Variants in DYM observed in about 807,000 individuals in gnomAD.
DYM encodes the protein dyggve-Melchior-Clausen syndrome protein.
DYM carries 78 observed loss-of-function variants against 93.1 expected under a neutral mutation model. That is an observed-to-expected ratio of 0.84 (90% CI 0.70 to 1.01). DYM has a LOEUF of 1.01. Ranked by LOEUF, DYM falls within the 50% of genes least tolerant of loss-of-function variation. The pLI is 0.00. For synonymous variants in DYM, 321 were observed against 319.7 expected (o/e 1.00, Z -0.04); for missense variants, 789 against 845.0 (o/e 0.93, Z 0.82).
At chr18:49,047,720 T>G (rs1463473203) in intron 17 of DYM, among the ~76,000 whole-genome samples, 1 of 152,078 alleles carries the variant, frequency 6.6e-6, no homozygotes, top group Non-Finnish European at 1.5e-5. Context: ...CAGCCCGACA[T>G]GGGGTTCTCA....
chr18:49,230,015 G>A (rs994461409), intron 13 of DYM, among the ~76,000 whole-genome samples: 2 of 152,124 alleles, frequency 1.3e-5, no homozygotes, highest in Non-Finnish European at 2.9e-5. Flanking sequence ...ATGACAAAGT[G>A]GCAAAGGAAA....
In DYM at chr18:49,430,151, C is replaced by T. The variant is rs12456754; in HGVS notation, c.140+104G>A. ...TACTGATCTATGTATGACAGATAGA[C>T]TAGATAGATAGACAGAACATTTCTA... is the stretch of plus-strand genomic sequence containing the variant. On this transcript the variant is annotated intron_variant, in intron 2 of 17. Coordinates refer to ENST00000675505, the MANE Select transcript of DYM (RefSeq NM_001353214.3). 101,021 of 1,070,618 alleles carry T rather than the reference C, an allele frequency of 0.094. 6,818 individuals carry two copies. Among genetic ancestry groups the T allele is most frequent in the East Asian group, 0.34 (14,359 of 42,014 alleles). 66.3% of individuals were successfully genotyped at this position (1,070,618 alleles called of 1,614,324 possible).
At chr18:49,320,923 C>T (rs1460576030) in intron 8 of DYM, among the ~76,000 whole-genome samples, 1 of 152,162 alleles carries the variant, frequency 6.6e-6, no homozygotes, top group Non-Finnish European at 1.5e-5. Context: ...TCCTACCATA[C>T]ACAAATTCTG....
chr18:49,453,651 T>A (rs1450538720), intron 1 of DYM, among the ~76,000 whole-genome samples: 1 of 152,238 alleles, frequency 6.6e-6, no homozygotes, highest in African/African-American at 2.4e-5. Flanking sequence ...CAATAGCACC[T>A]TCTAACTGAA....
chr18:49,195,915 TC>T (rs2091395718), intron 14 of DYM, among the ~76,000 whole-genome samples: 1 of 106,990 alleles, frequency 9.3e-6, no homozygotes, highest in Admixed American at 1.1e-4. Flanking sequence ...AATGCTACCA[TC>T]TTTTTTTTTT....
intron 17 of DYM, among the ~76,000 whole-genome samples, chr18:49,069,536 T>C (rs1363025839): frequency 1.3e-5 from 2 of 152,228 alleles, no homozygotes; most frequent in East Asian, 3.8e-4. Flanking sequence ...TCTTATAAGA[T>C]ACTGAAAAGT....
intron 15 of DYM, among the ~76,000 whole-genome samples, chr18:49,146,097 T>A (rs2085104487): frequency 6.6e-6 from 1 of 152,186 alleles, no homozygotes; most frequent in Non-Finnish European, 1.5e-5. Flanking sequence ...TGAAGTAATA[T>A]CCTAAATCCC....
rs187765243 is a variant in DYM, at chr18:49,290,890, C to G, written c.764-4274G>C. Among the ~76,000 whole-genome samples the G allele has an allele frequency of 3.2e-4, 49 of 152,028 alleles. 1 individual carries two copies. In the East Asian group the frequency reaches 9.5e-3, roughly 29 times the overall value. ...CAGAGACGTATTCAAGCATAATAAG[C>G]AATTAAAAATAATAAGGAAGGGAAG... On this transcript the variant is annotated intron_variant, in intron 8 of 17. Transcript: ENST00000675505.
At chr18:49,113,266 T>C (rs1035556631) in intron 16 of DYM, among the ~76,000 whole-genome samples, 1 of 152,208 alleles carries the variant, frequency 6.6e-6, no homozygotes, top group Non-Finnish European at 1.5e-5. Flanking sequence ...ATGGTTATAG[T>C]TCATTGCATC....
At chr18:49,179,991 AT>A (rs2145448236) in intron 14 of DYM, among the ~76,000 whole-genome samples, 1 of 152,256 alleles carries the variant, frequency 6.6e-6, no homozygotes, top group East Asian at 1.9e-4. Flanking sequence ...GACCTAGACT[AT>A]AAATGTTAGT....
intron 1 of DYM, among the ~76,000 whole-genome samples, chr18:49,432,566 A>G (rs538245072): frequency 2.0e-5 from 3 of 148,670 alleles, no homozygotes; most frequent in Non-Finnish European, 3.0e-5. Context: ...AAAAAATATT[A>G]TGGATTTATT....
chr18:49,422,206 G>A (rs530110083), intron 2 of DYM, among the ~76,000 whole-genome samples: 1 of 152,294 alleles, frequency 6.6e-6, no homozygotes, highest in South Asian at 2.1e-4. Context: ...ATAATTGTCA[G>A]ATTCAACCAA....
At chr18:49,452,334 C>T (rs2082590964) in intron 1 of DYM, among the ~76,000 whole-genome samples, 1 of 152,084 alleles carries the variant, frequency 6.6e-6, no homozygotes. Context: ...ACAAAGCTCC[C>T]GCAGTGTGGA....
At chr18:49,053,361 C>T (rs2075195111) in intron 17 of DYM, among the ~76,000 whole-genome samples, 1 of 152,206 alleles carries the variant, frequency 6.6e-6, no homozygotes, top group African/African-American at 2.4e-5. Flanking sequence ...CGTTTTCCCC[C>T]TTCCACCTAA....
intron 17 of DYM, among the ~76,000 whole-genome samples, chr18:49,061,697 G>A (rs2075994439): frequency 6.6e-6 from 1 of 152,240 alleles, no homozygotes; most frequent in South Asian, 2.1e-4. Context: ...GGGAACAGAG[G>A]AGAGCTGGCA....
At chr18:49,097,648 T>C (rs1029636784) in intron 16 of DYM, 133 bp from the exon 17 acceptor site, 1 of 811,318 alleles carries the variant, frequency 1.2e-6, no homozygotes, top group Non-Finnish European at 2.1e-6. Context: ...TCACTAGCCC[T>C]CCTAAACGCA....
Position 49,160,234 on chromosome 18 carries a change from A to G in DYM, c.1728+3451T>C, listed in dbSNP as rs75067719. ...TACAATTTTTGTTTTATTTCCCCTT[A>G]AACAGCCAGGGCAGTTTCCTCATTA... On this transcript the variant is annotated intron_variant, in intron 15 of 17. Transcript: ENST00000675505. Among the ~76,000 whole-genome samples the G allele has an allele frequency of 5.4e-3, 825 of 152,196 alleles. 14 individuals are homozygous for G. Among genetic ancestry groups the G allele is most frequent in the African/African-American group, 0.019 (792 of 41,548 alleles).
At chr18:49,282,604 C>CT (rs1433945159) in intron 9 of DYM, among the ~76,000 whole-genome samples, 3 of 152,174 alleles carry the variant, frequency 2.0e-5, no homozygotes, top group African/African-American at 7.2e-5. Flanking sequence ...GAGTGAGACT[C>CT]TGTCTAAAAC....
chr18:49,291,968 A>C (rs2060139357), intron 8 of DYM, among the ~76,000 whole-genome samples: 2 of 152,182 alleles, frequency 1.3e-5, no homozygotes, highest in African/African-American at 4.8e-5. Flanking sequence ...AGTCAGCTCC[A>C]ATATCCATCA....
Sources: gnomAD v4.1 joint callset for allele counts (sites outside exome capture counted in the v4.1 genomes callset) on GRCh38, gnomAD v4.1.1 for gene constraint, MANE v1.5 for transcripts, NCBI Gene and HGNC (gene_info 2026-07-23, HGNC 2026-07-21) for gene names.